Variants in PCDHGA2 observed in about 807,000 individuals in gnomAD.
PCDHGA2 encodes the protein protocadherin gamma subfamily A, 2.
PCDHGA2 carries 40 observed loss-of-function variants against 59.2 expected under a neutral mutation model. The ratio of observed to expected loss-of-function variants is 0.68; its 90% CI spans 0.52 to 0.88. The LOEUF (loss-of-function observed/expected upper bound fraction) is 0.88. Ranked by LOEUF, PCDHGA2 falls within the 40% of genes least tolerant of loss-of-function variation. PCDHGA2 has a pLI of 0.00. For synonymous variants in PCDHGA2, 560 were observed against 526.0 expected, an observed-to-expected ratio of 1.06 and a Z score of -0.89; for missense variants, 1,226 against 1,204.0, an observed-to-expected ratio of 1.02 and a Z score of -0.27.
chr5:141,375,863 G>A, intron 1 of PCDHGA2: 3 of 1,613,986 alleles, frequency 1.9e-6, no homozygotes, highest in East Asian at 2.2e-5. Context: ...GGTGGTGGCG[G>A]TGGACAGAGA....
intron 1 of PCDHGA2, chr5:141,366,943 A>T (rs1481461689): frequency 1.3e-6 from 1 of 775,624 alleles, no homozygotes; most frequent in Non-Finnish European, 2.0e-6. Context: ...AGTCTAGCTG[A>T]TATCTGTAGA....
Position 141,491,197 on chromosome 5 carries a change from G to A in PCDHGA2, c.2425-3610G>A. Reference sequence around the variant, plus strand: ...GGTGGTCCTGGTGAGGGACAATGGTGACCCTTCACTCTCCTCCACAGCCAC... The same window carrying A: ...GGTGGTCCTGGTGAGGGACAATGGTAACCCTTCACTCTCCTCCACAGCCAC... On this transcript the variant is annotated intron_variant, in intron 1 of 3. Coordinates refer to ENST00000394576, the MANE Select transcript of PCDHGA2 (RefSeq NM_018915.4). The surrounding 1 kb of genome is among the most constrained non-coding windows in gnomAD (Gnocchi z 6.9). 6.2e-7 allele frequency: 1 copy of A among 1,614,190 alleles called. No individual in the cohort carries two copies. The highest frequency in any genetic ancestry group is 8.5e-7 in the Non-Finnish European group (1 of 1,180,024).
intron 1 of PCDHGA2, chr5:141,415,390 G>A (rs1191160575): frequency 1.2e-6 from 2 of 1,614,224 alleles, no homozygotes; most frequent in South Asian, 2.2e-5. Flanking sequence ...CTTGACAGGT[G>A]TGTCCGGCTC....
intron 1 of PCDHGA2, chr5:141,424,783 T>C (rs1285808638): frequency 1.3e-5 from 2 of 152,212 alleles, no homozygotes; most frequent in African/African-American, 4.8e-5. Flanking sequence ...TACATTCAGT[T>C]CTTTTATTCA....
In PCDHGA2 at chr5:141,418,905, T is replaced by C. The variant is rs144920415; in HGVS notation, c.2425-75902T>C. The C allele has an allele frequency of 5.0e-6, 8 of 1,613,944 alleles. No homozygotes were observed. The East Asian group carries it at 1.8e-4, about 36-fold the overall frequency. ...AACGACAACAGCCCAGAAATAATCA[T>C]CACGTCACTCTCTGATCAGATTATG... On this transcript the variant is annotated intron_variant, in intron 1 of 3. Coordinates refer to ENST00000394576, the MANE Select transcript of PCDHGA2 (RefSeq NM_018915.4).
rs368105487 is a variant in PCDHGA2 at position 141,489,478 on chromosome 5, A to G, written c.2425-5329A>G. On this transcript the variant is annotated intron_variant, in intron 1 of 3. Transcript: ENST00000394576. This position sits in a 1 kb window ranked among gnomAD's most constrained non-coding sequence, Gnocchi z 4.5. Reference sequence around the variant, plus strand: ...TGGGCGCTATTTTTCCCTGAGCTTGATGAGTGGTGCCCTGGCAGTGAATCA... The same window carrying G: ...TGGGCGCTATTTTTCCCTGAGCTTGGTGAGTGGTGCCCTGGCAGTGAATCA... The G allele has an allele frequency of 1.1e-5, 18 of 1,613,956 alleles. No individual in the cohort carries two copies. The highest frequency in any genetic ancestry group is 1.5e-5 in the Non-Finnish European group (18 of 1,180,030).
At position 141,415,641 on chromosome 5, in the gene PCDHGA2, TAA is replaced by T. The variant is rs113784532; in HGVS notation, c.2424+74256_2424+74257del. On this transcript the variant is annotated intron_variant, in intron 1 of 3. Transcript: ENST00000394576. ...GTTTTATTTTCATTTTTACTTTTGT[TAA>T]AAAAAAAAAGATTGGTTTTTACTTT... is the stretch of plus-strand genomic sequence containing the variant. 3.1e-5 allele frequency: 40 copies of T among 1,280,748 alleles called. No homozygotes were observed. The African/African-American group carries it at 4.6e-4, about 15-fold the overall frequency. 79.3% of individuals were successfully genotyped at this position (1,280,748 alleles called of 1,614,324 possible).
At chr5:141,371,456 A>G (rs755481962) in intron 1 of PCDHGA2, 2 of 1,614,020 alleles carry the variant, frequency 1.2e-6, no homozygotes, top group South Asian at 1.1e-5. Context: ...CTGAATCCCA[A>G]CATATACAAG....
rs2097419057 is a variant in PCDHGA2 at position 141,431,807 on chromosome 5, A to G, written c.2425-63000A>G. 4 of 1,614,050 alleles carry G rather than the reference A, an allele frequency of 2.5e-6. No individual in the cohort carries two copies. Among genetic ancestry groups the G allele is most frequent in the Non-Finnish European group, 2.5e-6 (3 of 1,180,038 alleles). On this transcript the variant is annotated intron_variant, in intron 1 of 3. Coordinates refer to ENST00000394576, the MANE Select transcript of PCDHGA2 (RefSeq NM_018915.4). This position sits in a 1 kb window ranked among gnomAD's most constrained non-coding sequence, Gnocchi z 4.8. ...CGACAATGCCCCAGAAGTGGTCCTC[A>G]CCTCTCTCGCCAGCTCGGTTCCCGA... is the stretch of plus-strand genomic sequence containing the variant.
chr5:141,383,102 CCA>C lies in PCDHGA2; in HGVS notation c.2424+41708_2424+41709del, dbSNP rs1253092385. ...GCGGAGCGCGGAGTCCGCATCATCT[CCA>C]GAGGTAGGACGCAGCTTTTCGCCCT... On this transcript the variant is annotated intron_variant, in intron 1 of 3. Coordinates refer to ENST00000394576, the MANE Select transcript of PCDHGA2 (RefSeq NM_018915.4). 3 of 1,614,004 alleles carry C rather than the reference CCA, an allele frequency of 1.9e-6. No homozygotes were observed. In the South Asian group the frequency reaches 3.3e-5, roughly 18 times the overall value.
chr5:141,482,981 AGG>A (rs2099575420), intron 1 of PCDHGA2, among the ~76,000 whole-genome samples: 1 of 150,250 alleles, frequency 6.7e-6, no homozygotes, highest in African/African-American at 2.5e-5. Context: ...GCTACTTGAG[AGG>A]TCGAGGCAGG....
chr5:141,352,257 A>C, intron 1 of PCDHGA2: 2 of 1,614,052 alleles, frequency 1.2e-6, no homozygotes, highest in South Asian at 2.2e-5. Context: ...AGCCTGCAAG[A>C]GGTATTGCCA....
At chr5:141,390,423 C>A in intron 1 of PCDHGA2, 1 of 1,058,544 alleles carries the variant, frequency 9.4e-7, no homozygotes, top group Non-Finnish European at 1.3e-6. Context: ...AGTTAAAAAG[C>A]TGTCATATCA....
chr5:141,446,289 G>T (rs1333286399), intron 1 of PCDHGA2, among the ~76,000 whole-genome samples: 1 of 152,112 alleles, frequency 6.6e-6, no homozygotes, highest in Non-Finnish European at 1.5e-5. Flanking sequence ...GATAAATGGG[G>T]AGCAGGGATT....
intron 1 of PCDHGA2, chr5:141,383,678 G>C: frequency 1.2e-6 from 2 of 1,614,036 alleles, no homozygotes; most frequent in East Asian, 4.5e-5. Flanking sequence ...GTGGGTACAA[G>C]ACTGCTCACG....
chr5:141,398,476 T>C (rs756685671), intron 1 of PCDHGA2: 1 of 1,607,694 alleles, frequency 6.2e-7, no homozygotes. Flanking sequence ...ACTGAACTTT[T>C]ATCACGTGAA....
Position 141,436,164 on chromosome 5 carries a change from A to G in PCDHGA2, c.2425-58643A>G, listed in dbSNP as rs896845015. Among the ~76,000 whole-genome samples, 8 of 152,188 alleles carry G rather than the reference A, an allele frequency of 5.3e-5. No homozygotes were observed. The East Asian group carries it at 1.3e-3, about 26-fold the overall frequency. ...AACTACCAAAATGTTTATCATATGG[A>G]CAGTTCTCATATATAGTCAAATAGA... On this transcript the variant is annotated intron_variant, in intron 1 of 3. Transcript: ENST00000394576.
chr5:141,347,515 C>A, intron 1 of PCDHGA2, among the ~76,000 whole-genome samples: 1 of 151,990 alleles, frequency 6.6e-6, no homozygotes, highest in East Asian at 1.9e-4. Flanking sequence ...AGGCTGGGTG[C>A]AGTGGCTCAT....
intron 1 of PCDHGA2, among the ~76,000 whole-genome samples, chr5:141,451,032 A>G: frequency 6.6e-6 from 1 of 150,486 alleles, no homozygotes; most frequent in Non-Finnish European, 1.5e-5. Context: ...GTTTCACCAT[A>G]TTGGCCAGGC....
Sources: gnomAD v4.1 joint callset for allele counts (sites outside exome capture counted in the v4.1 genomes callset) on GRCh38, gnomAD v4.1.1 for gene constraint, Gnocchi (gnomAD v3.1) non-coding constraint, MANE v1.5 for transcripts, NCBI Gene and HGNC (gene_info 2026-07-23, HGNC 2026-07-21) for gene names.